Variants in MCM9 observed in about 807,000 individuals in gnomAD.
MCM9 encodes DNA helicase MCM9.
MCM9 carries 55 observed loss-of-function variants against 72.8 expected under a neutral mutation model. The observed-to-expected ratio is 0.76, with a 90% CI of 0.61 to 0.95. MCM9 has a LOEUF of 0.95. MCM9 is among the 40% of genes least tolerant of loss of function. MCM9 has a pLI of 0.00. For missense variants in MCM9, 1,279 were observed against 1,377.0 expected (o/e 0.93, Z 1.13); for synonymous variants, 480 against 503.4 (o/e 0.95, Z 0.62).
chr6:118,830,925 T>C (rs1774500484), intron 9 of MCM9, among the ~76,000 whole-genome samples: 2 of 152,086 alleles, frequency 1.3e-5, no homozygotes, highest in African/African-American at 2.4e-5. Context: ...GTGCAAGGAG[T>C]GCTGGTGTCA....
chr6:118,907,702 C>T (rs1046499115), intron 8 of MCM9: 5 of 994,236 alleles, frequency 5.0e-6, no homozygotes, highest in Non-Finnish European at 6.0e-6. Context: ...AGTCAAAACA[C>T]AATGTGAAGA....
intron 8 of MCM9, among the ~76,000 whole-genome samples, chr6:118,900,543 G>A (rs763130955): frequency 1.3e-4 from 20 of 152,308 alleles, no homozygotes; most frequent in Non-Finnish European, 2.5e-4. Context: ...GTGAGGCACT[G>A]TCCAGGAACT....
At chr6:118,903,555 A>T (rs1450728249) in intron 8 of MCM9, among the ~76,000 whole-genome samples, 1 of 152,228 alleles carries the variant, frequency 6.6e-6, no homozygotes, top group East Asian at 1.9e-4. Flanking sequence ...GTTCTTAGAT[A>T]ATTTGTGACA....
chr6:118,815,103 A>G lies in MCM9; in HGVS notation c.3153T>C (p.His1051=). 6.4e-7 allele frequency: 1 copy of G among 1,550,822 alleles called. No individual in the cohort carries two copies. Among genetic ancestry groups the G allele is most frequent in the Admixed American group, 2.0e-5 (1 of 50,998 alleles). ...TTGCCAATCTGGCTAATGTGCAGGC[A>G]TGAACCTTGCCGCTTTTATTACTGC... The part of the protein sequence containing the change: ...VSGSNKSGKV[H]ACTLARLANF... The change falls in exon 14 of 14, where the codon CAT becomes CAC. Residue 1051 remains histidine, a synonymous_variant. Transcript: ENST00000619706.
At chr6:118,889,082 C>T (rs539189091) in intron 8 of MCM9, among the ~76,000 whole-genome samples, 1 of 152,266 alleles carries the variant, frequency 6.6e-6, no homozygotes, top group African/African-American at 2.4e-5. Context: ...TATGTGAATT[C>T]TATCTCAACA....
chr6:118,862,845 T>C (rs1271021156), intron 8 of MCM9, among the ~76,000 whole-genome samples: 1 of 152,064 alleles, frequency 6.6e-6, no homozygotes, highest in Non-Finnish European at 1.5e-5. Flanking sequence ...AGTGAAATAT[T>C]TAAAGTGCTA....
At chr6:118,858,736 A>G (rs1776725846) in intron 8 of MCM9, among the ~76,000 whole-genome samples, 1 of 152,144 alleles carries the variant, frequency 6.6e-6, no homozygotes, top group Admixed American at 6.5e-5. Context: ...TCTATGCAAA[A>G]CTACAAAACA....
chr6:118,894,516 T>G, intron 8 of MCM9: 1 of 1,536,968 alleles, frequency 6.5e-7, no homozygotes, highest in Non-Finnish European at 8.7e-7. Flanking sequence ...CGAGGACCTG[T>G]CTGAAGGTGA....
chr6:118,823,022 G>A (rs981822014), intron 13 of MCM9, among the ~76,000 whole-genome samples: 4 of 152,148 alleles, frequency 2.6e-5, no homozygotes, highest in Non-Finnish European at 5.9e-5. Flanking sequence ...AGAATTTCAA[G>A]CCAGTGGTTC....
chr6:118,894,512 C>T (rs1583572595), intron 8 of MCM9: 1 of 1,537,056 alleles, frequency 6.5e-7, no homozygotes, highest in Non-Finnish European at 8.7e-7. Flanking sequence ...GCATCGAGGA[C>T]CTGTCTGAAG....
chr6:118,919,079 A>G (rs567594523), intron 5 of MCM9: 2 of 152,356 alleles, frequency 1.3e-5, no homozygotes, highest in Non-Finnish European at 2.9e-5. Flanking sequence ...TTTCTAGGTA[A>G]AAATGATTGG....
chr6:118,917,293 T>C (rs771830608), intron 6 of MCM9, among the ~76,000 whole-genome samples: 13 of 151,916 alleles, frequency 8.6e-5, no homozygotes, highest in African/African-American at 1.5e-4. Context: ...ATTGATATGA[T>C]AGGAAACTCT....
At chr6:118,870,384 C>A (rs531867155) in intron 8 of MCM9, among the ~76,000 whole-genome samples, 24 of 151,164 alleles carry the variant, frequency 1.6e-4, no homozygotes, top group Non-Finnish European at 3.2e-4. Context: ...AAGCAATATG[C>A]TTCTGAACAA....
chr6:118,835,997 C>G (rs1457145811), intron 9 of MCM9, among the ~76,000 whole-genome samples: 1 of 152,074 alleles, frequency 6.6e-6, no homozygotes, highest in Non-Finnish European at 1.5e-5. Flanking sequence ...TCATAAATAG[C>G]TCTTATTATT....
intron 8 of MCM9, among the ~76,000 whole-genome samples, chr6:118,909,400 A>G (rs906277643): frequency 6.6e-6 from 1 of 152,150 alleles, no homozygotes; most frequent in African/African-American, 2.4e-5. Context: ...TGTTATCTTA[A>G]ATTTTATCAC....
At chr6:118,931,911 A>C (rs1198033956) in intron 2 of MCM9, among the ~76,000 whole-genome samples, 173 bp from the exon 3 acceptor site, 3 of 152,250 alleles carry the variant, frequency 2.0e-5, no homozygotes, top group Non-Finnish European at 4.4e-5. Context: ...GTCACAGTAC[A>C]TGTACTTCAA....
chr6:118,904,245 A>C (rs1409035716), intron 8 of MCM9, among the ~76,000 whole-genome samples: 2 of 152,166 alleles, frequency 1.3e-5, no homozygotes, highest in Admixed American at 6.6e-5. Flanking sequence ...GACTGACTAG[A>C]TGTAGGAGAT....
At position 118,903,877 on chromosome 6, in the gene MCM9, G is replaced by C. The variant is rs182136619; in HGVS notation, c.1150+7773C>G. 1.3e-4 allele frequency among the ~76,000 whole-genome samples: 20 copies of C among 152,228 alleles called. No homozygotes were observed. In the East Asian group the frequency reaches 3.7e-3, roughly 28 times the overall value. On this transcript the variant is annotated intron_variant, in intron 8 of 13. Coordinates refer to ENST00000619706, the MANE Select transcript of MCM9 (RefSeq NM_017696.3). Reference sequence around the variant, plus strand: ...GCTAGGATTACAGGCGTGAGCCACCGTGCTCAGAGCGTGAAAAGATTATCA... The same window carrying C: ...GCTAGGATTACAGGCGTGAGCCACCCTGCTCAGAGCGTGAAAAGATTATCA...
chr6:118,874,450 ACT>A (rs957096501), intron 8 of MCM9, among the ~76,000 whole-genome samples: 1 of 152,072 alleles, frequency 6.6e-6, no homozygotes, highest in Non-Finnish European at 1.5e-5. Flanking sequence ...CTTTATAAAG[ACT>A]CTCTACAAAA....
Sources: gnomAD v4.1 joint callset for allele counts (sites outside exome capture counted in the v4.1 genomes callset) on GRCh38, gnomAD v4.1.1 for gene constraint, MANE v1.5 for transcripts, NCBI Gene and HGNC (gene_info 2026-07-23, HGNC 2026-07-21) for gene names.